MIR2052HG: variants seen among roughly 807,000 people sequenced by gnomAD.
The protein encoded by MIR2052HG is MIR2052 host gene.
chr8:74,626,642 A>G (rs1808440531), intron 2 of MIR2052HG, among the ~76,000 whole-genome samples: 1 of 152,168 alleles, frequency 6.6e-6, no homozygotes, highest in Non-Finnish European at 1.5e-5. Flanking sequence ...GAATACTACC[A>G]TTCTCTACCA....
intron 2 of MIR2052HG, among the ~76,000 whole-genome samples, chr8:74,646,612 T>A (rs1045701128): frequency 6.6e-6 from 1 of 152,128 alleles, no homozygotes; most frequent in Non-Finnish European, 1.5e-5. Flanking sequence ...CATTCACATA[T>A]AACACTGGAT....
At chr8:74,628,524 TAA>T (rs1438374721) in intron 2 of MIR2052HG, among the ~76,000 whole-genome samples, 2 of 152,320 alleles carry the variant, frequency 1.3e-5, no homozygotes, top group Admixed American at 1.3e-4. Context: ...GCTAATTCAG[TAA>T]AAACTGCTTG....
intron 1 of MIR2052HG, chr8:74,603,447 G>A: frequency 1.2e-6 from 2 of 1,607,118 alleles, no homozygotes; most frequent in South Asian, 2.2e-5. Context: ...ACATCTGACG[G>A]ATCTCATTTA....
At chr8:74,726,129 G>T (rs990318133) in intron 4 of MIR2052HG, among the ~76,000 whole-genome samples, 4 of 152,100 alleles carry the variant, frequency 2.6e-5, no homozygotes, top group African/African-American at 7.2e-5. Context: ...GGAGGCGGAG[G>T]TTGCAGTGAG....
At chr8:74,718,405 C>G (rs141586192) in intron 4 of MIR2052HG, among the ~76,000 whole-genome samples, 1 of 152,168 alleles carries the variant, frequency 6.6e-6, no homozygotes, top group East Asian at 1.9e-4. Context: ...TGTCTTGTTG[C>G]TCCTCCAATC....
chr8:74,739,329 C>G (rs1809802952), intron 4 of MIR2052HG, among the ~76,000 whole-genome samples: 1 of 152,184 alleles, frequency 6.6e-6, no homozygotes, highest in African/African-American at 2.4e-5. Flanking sequence ...CTGCTCCTTT[C>G]AGCTTGCCAG....
chr8:74,635,100 G>A (rs1808566137), intron 2 of MIR2052HG, among the ~76,000 whole-genome samples: 1 of 152,122 alleles, frequency 6.6e-6, no homozygotes, highest in Admixed American at 6.6e-5. Context: ...GAGAAAAAGG[G>A]AGAACAGCAT....
chr8:74,612,039 T>C (rs568984344), intron 1 of MIR2052HG, among the ~76,000 whole-genome samples: 1 of 150,966 alleles, frequency 6.6e-6, no homozygotes, highest in East Asian at 2.0e-4. Flanking sequence ...CAGAGTCTTA[T>C]CTTCAAGTGC....
intron 4 of MIR2052HG, among the ~76,000 whole-genome samples, chr8:74,735,897 G>A (rs1373388575): frequency 6.6e-6 from 1 of 152,136 alleles, no homozygotes; most frequent in African/African-American, 2.4e-5. Context: ...ACAGAAATTT[G>A]ACACAATAGG....
At chr8:74,631,397 TC>T (rs1435009149) in intron 2 of MIR2052HG, among the ~76,000 whole-genome samples, 3 of 152,232 alleles carry the variant, frequency 2.0e-5, no homozygotes, top group Non-Finnish European at 4.4e-5. Context: ...ATTAGTTCTA[TC>T]CTTTTTTCTG....
intron 2 of MIR2052HG, among the ~76,000 whole-genome samples, chr8:74,672,159 C>A (rs1809000563): frequency 6.6e-6 from 1 of 152,082 alleles, no homozygotes; most frequent in African/African-American, 2.4e-5. Flanking sequence ...TATTATACTT[C>A]TATTTTTCTT....
At chr8:74,699,405 T>G in intron 2 of MIR2052HG, among the ~76,000 whole-genome samples, 1 of 108,776 alleles carries the variant, frequency 9.2e-6, no homozygotes, top group African/African-American at 4.0e-5. Flanking sequence ...TGTGTATGTG[T>G]GTGTGTGTGT....
chr8:74,602,818 T>TTTCTTTCTTTCTTTCTTTCC lies in MIR2052HG; in HGVS notation n.128+2929_128+2930insCTTCTTTCTTTCTTTCTTTC, dbSNP rs1412237388. On this transcript the variant is annotated intron_variant and non_coding_transcript_variant, in intron 1 of 6. Coordinates refer to ENST00000523442, the Ensembl canonical transcript of MIR2052HG. ...ATGTGAGCTGCCATGCCCGGCCGTG[T>TTTCTTTCTTTCTTTCTTTCC]TTCTTTCTTTCTTTCTTTCTTTCTT... Among the ~76,000 whole-genome samples, 389 of 69,268 alleles carry TTTCTTTCTTTCTTTCTTTCC rather than the reference T, an allele frequency of 5.6e-3. 12 individuals carry two copies. Among genetic ancestry groups the TTTCTTTCTTTCTTTCTTTCC allele is most frequent in the Middle Eastern group, 0.028 (5 of 180 alleles). The allele number at this position is 69,268 out of a possible 152,430, so 45.4% of individuals were successfully genotyped here.
intron 2 of MIR2052HG, among the ~76,000 whole-genome samples, chr8:74,685,905 G>A (rs117969233): frequency 0.013 from 2,038 of 151,930 alleles, 22 homozygotes; most frequent in Middle Eastern, 0.027. Flanking sequence ...ATTTTAAATC[G>A]TTTAAAAATT....
At chr8:74,628,469 T>C (rs1031082472) in intron 2 of MIR2052HG, among the ~76,000 whole-genome samples, 29 of 151,974 alleles carry the variant, frequency 1.9e-4, no homozygotes, top group African/African-American at 6.8e-4. Flanking sequence ...ATGTGGAAGG[T>C]TGTGGTGGTG....
chr8:74,632,552 T>C (rs559885864), intron 2 of MIR2052HG: 2 of 152,286 alleles, frequency 1.3e-5, no homozygotes, highest in African/African-American at 2.4e-5. Context: ...TTATATTAAT[T>C]CTGGAAATAA....
intron 2 of MIR2052HG, among the ~76,000 whole-genome samples, chr8:74,626,071 C>T (rs1167416994): frequency 2.6e-5 from 4 of 152,188 alleles, no homozygotes; most frequent in Non-Finnish European, 4.4e-5. Flanking sequence ...GAAACAGGAC[C>T]GTCTCCAGCA....
intron 4 of MIR2052HG, among the ~76,000 whole-genome samples, chr8:74,723,139 A>G (rs1809596186): frequency 1.3e-5 from 2 of 152,232 alleles, no homozygotes; most frequent in African/African-American, 4.8e-5. Context: ...TGTGTTTTCC[A>G]TGACAGACCT....
intron 2 of MIR2052HG, among the ~76,000 whole-genome samples, chr8:74,695,151 T>G (rs1182995500): frequency 6.6e-6 from 1 of 152,198 alleles, no homozygotes; most frequent in Non-Finnish European, 1.5e-5. Flanking sequence ...GTGCCCTATC[T>G]TTAGCTTCCT....
Sources: allele counts gnomAD v4.1 joint callset (sites outside exome capture counted in the v4.1 genomes callset), GRCh38; gene constraint gnomAD v4.1.1; transcripts MANE v1.5; gene names NCBI Gene and HGNC (gene_info 2026-07-23, HGNC 2026-07-21).